Variants in GRIN2A observed in about 807,000 individuals in gnomAD.
GRIN2A encodes glutamate ionotropic receptor NMDA type subunit 2A, also known as glutamate receptor ionotropic, NMDA 2A.
GRIN2A carries 22 observed loss-of-function variants against 113.4 expected under a neutral mutation model. The observed-to-expected ratio is 0.19, with a 90% CI of 0.14 to 0.28. GRIN2A has a LOEUF of 0.28. Ranked by LOEUF, GRIN2A falls within the 10% of genes least tolerant of loss-of-function variation. The pLI is 1.00. For missense variants in GRIN2A, 1,502 were observed against 1,887.0 expected, an observed-to-expected ratio of 0.80 and a Z score of 3.78; for synonymous variants, 827 against 738.4, an observed-to-expected ratio of 1.12 and a Z score of -1.94.
chr16:10,145,806 G>A (rs768896512), intron 2 of GRIN2A, among the ~76,000 whole-genome samples: 1 of 152,204 alleles, frequency 6.6e-6, no homozygotes, highest in South Asian at 2.1e-4. Context: ...CACATCTACA[G>A]ATGGGTGCAA....
chr16:10,171,890 G>C (rs2050050511), intron 2 of GRIN2A, among the ~76,000 whole-genome samples: 1 of 152,180 alleles, frequency 6.6e-6, no homozygotes, highest in Non-Finnish European at 1.5e-5. Flanking sequence ...TGAGGCTCAA[G>C]ATATTAAGAA....
intron 5 of GRIN2A, among the ~76,000 whole-genome samples, chr16:9,847,239 G>A (rs2042788966): frequency 1.3e-5 from 2 of 152,044 alleles, no homozygotes; most frequent in South Asian, 2.1e-4. Flanking sequence ...CCAGAAAAGT[G>A]GAAACTAAAT....
chr16:9,970,959 C>A (rs1240018929), intron 2 of GRIN2A: 2 of 152,328 alleles, frequency 1.3e-5, no homozygotes, highest in African/African-American at 4.8e-5. Context: ...GGAAGCCTTT[C>A]TGGAGAAGAC....
At chr16:9,868,420 C>T (rs777287401) in intron 4 of GRIN2A, among the ~76,000 whole-genome samples, 3 of 152,162 alleles carry the variant, frequency 2.0e-5, no homozygotes, top group African/African-American at 4.8e-5. Flanking sequence ...GTGCGCACTA[C>T]CACACCTGGG....
At chr16:10,061,183 G>T (rs549237459) in intron 2 of GRIN2A, among the ~76,000 whole-genome samples, 1 of 152,194 alleles carries the variant, frequency 6.6e-6, no homozygotes, top group Admixed American at 6.5e-5. Flanking sequence ...TGTGATGCCT[G>T]GAGCTCCAGC....
chr16:10,043,488 C>T (rs2047201782), intron 2 of GRIN2A, among the ~76,000 whole-genome samples: 1 of 152,132 alleles, frequency 6.6e-6, no homozygotes, highest in Non-Finnish European at 1.5e-5. Flanking sequence ...TGCCATGATG[C>T]CTTCCAAAGC....
chr16:10,111,563 T>A (rs1460876946), intron 2 of GRIN2A: 2 of 831,454 alleles, frequency 2.4e-6, no homozygotes, highest in African/African-American at 1.7e-5. Flanking sequence ...AAGATCATGC[T>A]GAAGACACCA....
chr16:9,886,210 G>T (rs567078377), intron 4 of GRIN2A, among the ~76,000 whole-genome samples: 1 of 152,162 alleles, frequency 6.6e-6, no homozygotes, highest in East Asian at 1.9e-4. Context: ...ACCCCAAAAT[G>T]CAACAACATA....
At chr16:10,156,589 T>C (rs1423613016) in intron 2 of GRIN2A, among the ~76,000 whole-genome samples, 1 of 152,086 alleles carries the variant, frequency 6.6e-6, no homozygotes, top group African/African-American at 2.4e-5. Flanking sequence ...TTCACAGTCA[T>C]GTGGGGAGGC....
chr16:9,795,283 GCCATGAGAGGGAT>G (rs1902908256), intron 11 of GRIN2A, among the ~76,000 whole-genome samples: 1 of 152,070 alleles, frequency 6.6e-6, no homozygotes, highest in African/African-American at 2.4e-5. Context: ...AACCAAGATG[GCCATGAGAGGGAT>G]CTCTGGTCGT....
chr16:9,866,248 C>A (rs1400275914), intron 4 of GRIN2A, among the ~76,000 whole-genome samples: 1 of 152,116 alleles, frequency 6.6e-6, no homozygotes, highest in Non-Finnish European at 1.5e-5. Flanking sequence ...AGAGGCAGAT[C>A]TGATGAGGGA....
At chr16:9,937,762 G>A (rs1282237974) in intron 3 of GRIN2A, 197 bp downstream of exon 3, 1 of 602,502 alleles carries the variant, frequency 1.7e-6, no homozygotes, top group South Asian at 2.0e-5. Flanking sequence ...TAAGTTGCAG[G>A]AAACAAAGTC....
rs774248791 is a variant in GRIN2A at position 9,840,343 on chromosome 16, C to A, written c.1651+304G>T. ...ATATAATGAGAGCCCCTTATTAAAC[C>A]GTCAGATCTCATGAGAACTCACTCA... is the stretch of plus-strand genomic sequence containing the variant. On this transcript the variant is annotated intron_variant, in intron 7 of 12. Transcript: ENST00000330684. Among the ~76,000 whole-genome samples the A allele has an allele frequency of 2.6e-5, 4 of 152,046 alleles. 1 individual carries two copies. The highest frequency in any genetic ancestry group is 2.1e-4 in the South Asian group (1 of 4,802).
intron 2 of GRIN2A, among the ~76,000 whole-genome samples, chr16:10,039,758 G>A (rs2047108486): frequency 7.0e-6 from 1 of 143,762 alleles, no homozygotes; most frequent in African/African-American, 2.6e-5. Flanking sequence ...CTGAGCAAAT[G>A]TGCAAGGGAG....
At chr16:10,170,964 C>T (rs911963859) in intron 2 of GRIN2A, among the ~76,000 whole-genome samples, 5 of 151,808 alleles carry the variant, frequency 3.3e-5, no homozygotes, top group Non-Finnish European at 4.4e-5. Flanking sequence ...AAGCTGAGTG[C>T]GGTATGGGGG....
chr16:10,011,691 T>A (rs1391086868), intron 2 of GRIN2A, among the ~76,000 whole-genome samples: 3 of 152,180 alleles, frequency 2.0e-5, no homozygotes, highest in Admixed American at 6.5e-5. Flanking sequence ...TATTTTTTTT[T>A]AATCTAAGTT....
At chr16:10,026,047 C>T (rs2141910152) in intron 2 of GRIN2A, among the ~76,000 whole-genome samples, 1 of 152,260 alleles carries the variant, frequency 6.6e-6, no homozygotes, top group East Asian at 1.9e-4. Flanking sequence ...GTTCTCAGCC[C>T]AACCTTCCTC....
chr16:10,134,243 A>C (rs1270851667), intron 2 of GRIN2A, among the ~76,000 whole-genome samples: 1 of 151,580 alleles, frequency 6.6e-6, no homozygotes, highest in Non-Finnish European at 1.5e-5. Context: ...CAGTTAGGCA[A>C]ACATTAGGCT....
chr16:10,144,414 G>A (rs2049389298), intron 2 of GRIN2A, among the ~76,000 whole-genome samples: 1 of 152,146 alleles, frequency 6.6e-6, no homozygotes, highest in Non-Finnish European at 1.5e-5. Context: ...GATGATTAAT[G>A]ATGTTGAGAA....
Sources: allele counts gnomAD v4.1 joint callset (sites outside exome capture counted in the v4.1 genomes callset), GRCh38; gene constraint gnomAD v4.1.1; transcripts MANE v1.5; gene names NCBI Gene and HGNC (gene_info 2026-07-23, HGNC 2026-07-21).